Variants in EFCAB8 observed in about 807,000 individuals in gnomAD.
EFCAB8 encodes EF-hand calcium binding domain 8.
A neutral mutation model predicts 116.3 loss-of-function variants in EFCAB8; 100 were observed. That is an observed-to-expected ratio of 0.86 (90% CI 0.73 to 1.02). The LOEUF (loss-of-function observed/expected upper bound fraction) is 1.02, where lower values mean the gene tolerates loss of function less well. Ranked by LOEUF, EFCAB8 falls within the 50% of genes least tolerant of loss-of-function variation. The probability of loss-of-function intolerance (pLI) is 0.00; values close to 1 mark genes in which losing one functional copy is unlikely to be tolerated. For missense variants in EFCAB8, 1,320 were observed against 1,416.9 expected, an observed-to-expected ratio of 0.93 and a Z score of 1.10; for synonymous variants, 558 against 567.9, an observed-to-expected ratio of 0.98 and a Z score of 0.25.
At chr20:32,913,760 C>G (rs1240984029) in intron 17 of EFCAB8, among the ~76,000 whole-genome samples, 1 of 152,184 alleles carries the variant, frequency 6.6e-6, no homozygotes, top group African/African-American at 2.4e-5. Flanking sequence ...ATAGGATAGA[C>G]ACAAGGGAGA....
chr20:32,932,751 A>ACTT (rs1987955923), intron 22 of EFCAB8, among the ~76,000 whole-genome samples: 1 of 152,224 alleles, frequency 6.6e-6, no homozygotes, highest in Non-Finnish European at 1.5e-5. Context: ...GTGAATAGTG[A>ACTT]ATGTTATTTC....
intron 23 of EFCAB8, among the ~76,000 whole-genome samples, chr20:32,954,059 G>A (rs2146302589): frequency 6.6e-6 from 1 of 152,272 alleles, no homozygotes; most frequent in South Asian, 2.1e-4. Flanking sequence ...ACCTGCCTCA[G>A]CCTCCCAAAG....
chr20:32,955,835 T>A (rs376246033), intron 23 of EFCAB8, among the ~76,000 whole-genome samples: 20 of 152,364 alleles, frequency 1.3e-4, no homozygotes, highest in African/African-American at 4.8e-4. Flanking sequence ...CTATTTTTTG[T>A]TAAAAACGAC....
At chr20:32,912,568 C>A (rs1986990232) in intron 16 of EFCAB8, among the ~76,000 whole-genome samples, 1 of 152,146 alleles carries the variant, frequency 6.6e-6, no homozygotes, top group African/African-American at 2.4e-5. Flanking sequence ...GCTATCCTCT[C>A]TGTAAAATGG....
intron 5 of EFCAB8, among the ~76,000 whole-genome samples, chr20:32,882,024 C>A (rs1437232131): frequency 6.6e-6 from 1 of 152,028 alleles, no homozygotes; most frequent in Non-Finnish European, 1.5e-5. Context: ...ATGGTGAAAC[C>A]CTGTCTCTAC....
At chr20:32,862,729 G>A (rs1984175872) in intron 1 of EFCAB8, among the ~76,000 whole-genome samples, 1 of 152,088 alleles carries the variant, frequency 6.6e-6, no homozygotes, top group Non-Finnish European at 1.5e-5. Flanking sequence ...CCAGGTTCAA[G>A]CAATCCTCCT....
chr20:32,955,144 C>A (rs1004460407), intron 23 of EFCAB8, among the ~76,000 whole-genome samples: 8 of 152,144 alleles, frequency 5.3e-5, no homozygotes, highest in African/African-American at 1.9e-4. Flanking sequence ...TTAAGGCAGG[C>A]CCCTCCCTCC....
chr20:32,919,403 ATTCATACCATC>A (rs1987346207), intron 19 of EFCAB8, among the ~76,000 whole-genome samples: 2 of 152,292 alleles, frequency 1.3e-5, no homozygotes, highest in East Asian at 3.9e-4. Flanking sequence ...ACCATAAGAC[ATTCATACCATC>A]TTTGAGTTAT....
chr20:32,863,568 C>T (rs1600353293), intron 1 of EFCAB8, among the ~76,000 whole-genome samples: 1 of 152,184 alleles, frequency 6.6e-6, no homozygotes, highest in South Asian at 2.1e-4. Flanking sequence ...GGAAGAAAGG[C>T]TCAAGTGCAA....
At chr20:32,898,733 G>C in intron 11 of EFCAB8, 110 bp downstream of exon 11, 1 of 631,616 alleles carries the variant, frequency 1.6e-6, no homozygotes, top group African/African-American at 1.8e-5. Flanking sequence ...ATGGACTCTG[G>C]GGTTTAGTTT....
Position 32,930,706 on chromosome 20 carries a change from A to G in EFCAB8, c.2631+90A>G, listed in dbSNP as rs73904084. 49 of 1,243,660 alleles carry G rather than the reference A, an allele frequency of 3.9e-5. No individual in the cohort carries two copies. In the African/African-American group the frequency reaches 7.0e-4, roughly 18 times the overall value. 77.0% of individuals were successfully genotyped at this position (1,243,660 alleles called of 1,614,324 possible). A position where few individuals can be genotyped will look rare whatever the true frequency, so the allele number is the denominator to read the frequency against. Reference sequence around the variant, plus strand: ...CTCACATGGCCCTTGCCTAGTTCCTACTCTGTCTGGGTACTGGTTCCATTT... The same window carrying G: ...CTCACATGGCCCTTGCCTAGTTCCTGCTCTGTCTGGGTACTGGTTCCATTT... On this transcript the variant is annotated intron_variant, in intron 21 of 26. Coordinates refer to ENST00000400522, the MANE Select transcript of EFCAB8 (RefSeq NM_001143967.2).
chr20:32,925,485 C>T (rs1450061397), intron 20 of EFCAB8, among the ~76,000 whole-genome samples: 1 of 152,232 alleles, frequency 6.6e-6, no homozygotes, highest in Non-Finnish European at 1.5e-5. Context: ...TTCCAAAGTG[C>T]TGGCATTACA....
chr20:32,898,495 T>G lies in EFCAB8; in HGVS notation c.960T>G (p.Ala320=), dbSNP rs950752272. 4 of 717,492 alleles carry G rather than the reference T, an allele frequency of 5.6e-6. No homozygotes were observed. Among genetic ancestry groups the G allele is most frequent in the Non-Finnish European group, 1.0e-5 (4 of 384,324 alleles). The allele number at this position is 717,492 out of a possible 1,614,324, so 44.4% of individuals were successfully genotyped here. A position where few individuals can be genotyped will look rare whatever the true frequency, so the allele number is the denominator to read the frequency against. ...CACCATTGCTACTGTCTTCCCAGGC[T>G]CTCCATCCCAACTGGTGTGAGCAGG... The part of the protein sequence containing the change: ...SALHRSYRLK[A]LHPNWCEQVK... Residue 320 remains alanine (A), a splice_region_variant and synonymous_variant, in exon 11 of 27, where the codon GCT becomes GCG. Transcript: ENST00000400522.
At chr20:32,933,736 T>C (rs1987996295) in intron 22 of EFCAB8, among the ~76,000 whole-genome samples, 1 of 152,222 alleles carries the variant, frequency 6.6e-6, no homozygotes, top group Admixed American at 6.5e-5. Flanking sequence ...CCCAGTACTT[T>C]GGGAGGCCGA....
At chr20:32,916,987 C>T in intron 17 of EFCAB8, 1 of 281,412 alleles carries the variant, frequency 3.6e-6, no homozygotes, top group South Asian at 5.9e-5. Context: ...TTTTTAGGGA[C>T]CTCTGTAAGG....
intron 22 of EFCAB8, among the ~76,000 whole-genome samples, chr20:32,932,489 C>G (rs754294494): frequency 3.9e-5 from 6 of 152,206 alleles, no homozygotes; most frequent in Non-Finnish European, 7.3e-5. Context: ...AGCGAAGAGT[C>G]TAAGTCCCAT....
Position 32,961,190 on chromosome 20 carries a change from C to T in EFCAB8, c.3448C>T (p.Gln1150Ter). The T allele has an allele frequency of 1.9e-6, 3 of 1,552,282 alleles. No individual in the cohort carries two copies. Among genetic ancestry groups the T allele is most frequent in the Non-Finnish European group, 2.6e-6 (3 of 1,147,108 alleles). Residue 1150 changes from glutamine to a stop codon, truncating the protein, a stop_gained, in exon 27 of 27, where the codon CAG (glutamine) becomes TAG (stop). Coordinates refer to ENST00000400522, the MANE Select transcript of EFCAB8 (RefSeq NM_001143967.2). LOFTEE classifies it low-confidence loss of function (END_TRUNC). ...CTTCAGTGATCTGATGCCGACTCAG[C>T]AGCCTGACTTCCTGACCAGCAGGGG... ...LHFSDLMPTQ[Q>*]PDFLTSRGPD...
intron 23 of EFCAB8, among the ~76,000 whole-genome samples, chr20:32,955,726 G>A (rs1213700807): frequency 1.3e-5 from 2 of 152,148 alleles, no homozygotes; most frequent in African/African-American, 2.4e-5. Flanking sequence ...CACGTCCTGA[G>A]CGAGGGTATA....
At chr20:32,866,107 G>A (rs1309220749) in intron 2 of EFCAB8, among the ~76,000 whole-genome samples, 1 of 152,120 alleles carries the variant, frequency 6.6e-6, no homozygotes, top group Non-Finnish European at 1.5e-5. Flanking sequence ...GTTGGGCTCC[G>A]TGGAGGCAGG....
Sources: gnomAD v4.1 joint callset for allele counts (sites outside exome capture counted in the v4.1 genomes callset) on GRCh38, gnomAD v4.1.1 for gene constraint, MANE v1.5 for transcripts, NCBI Gene and HGNC (gene_info 2026-07-23, HGNC 2026-07-21) for gene names.